ERMAP: variants seen among roughly 807,000 people sequenced by gnomAD.
ERMAP encodes erythroid membrane-associated protein.
ERMAP carries 34 observed loss-of-function variants against 49.5 expected under a neutral mutation model. The ratio of observed to expected loss-of-function variants is 0.69; its 90% CI spans 0.52 to 0.91. The LOEUF (loss-of-function observed/expected upper bound fraction) is 0.91, where lower values mean the gene tolerates loss of function less well. Among genes scored for constraint, ERMAP ranks in the 40% least tolerant of loss-of-function variants. The probability of loss-of-function intolerance (pLI) is 0.00; values close to 1 mark genes in which losing one functional copy is unlikely to be tolerated. For missense variants in ERMAP, 541 were observed against 582.6 expected, an observed-to-expected ratio of 0.93 and a Z score of 0.74; for synonymous variants, 214 against 232.2, an observed-to-expected ratio of 0.92 and a Z score of 0.71.
In ERMAP at chr1:42,839,395, T is replaced by C. The variant is rs1381247879; in HGVS notation, c.637+474T>C. The C allele has an allele frequency of 3.5e-5, 6 of 173,350 alleles. No homozygotes were observed. In the East Asian group the frequency reaches 9.0e-4, roughly 26 times the overall value. The allele number at this position is 173,350 out of a possible 1,614,324, so 10.7% of individuals were successfully genotyped here. On this transcript the variant is annotated intron_variant, in intron 8 of 11. Coordinates refer to ENST00000372517, the MANE Select transcript of ERMAP (RefSeq NM_001017922.2). ...GGGAGGCCAAGGCAGGTGGATCACT[T>C]GAGGACAGGAGTTTGTGACCAGCCT...
intron 2 of ERMAP, 125 bp downstream of exon 2, chr1:42,825,863 A>G: frequency 8.8e-7 from 1 of 1,133,690 alleles, no homozygotes; most frequent in Non-Finnish European, 1.1e-6. Context: ...GAAATGGGGC[A>G]GTTGTTAGCT....
In ERMAP at chr1:42,825,390, T is replaced by A. The variant is rs34102447; in HGVS notation, c.-121-233T>A. On this transcript the variant is annotated intron_variant, in intron 1 of 11. Transcript: ENST00000372517. ...CAGAGGGAATTACTATTGGCAGCAT[T>A]GGAGGAAAAGGGAGTGGAGGGGCAA... 627 of 796,008 alleles carry A rather than the reference T, an allele frequency of 7.9e-4. 3 individuals are homozygous for A. The African/African-American group carries it at 0.011, about 14-fold the overall frequency. The allele number at this position is 796,008 out of a possible 1,614,324, so 49.3% of individuals were successfully genotyped here. A position where few individuals can be genotyped will look rare whatever the true frequency, so the allele number is the denominator to read the frequency against.
chr1:42,828,821 T>G (rs1018203258), intron 2 of ERMAP, among the ~76,000 whole-genome samples: 2 of 152,090 alleles, frequency 1.3e-5, no homozygotes, highest in Non-Finnish European at 2.9e-5. Flanking sequence ...CTTAACCACT[T>G]CATAGATTGT....
At chr1:42,840,733 A>G (rs992375085) in intron 11 of ERMAP, among the ~76,000 whole-genome samples, 41 of 152,094 alleles carry the variant, frequency 2.7e-4, no homozygotes, top group African/African-American at 8.5e-4. Context: ...TTTCTGATGC[A>G]TAAGTGTTTT....
intron 7 of ERMAP, among the ~76,000 whole-genome samples, chr1:42,838,093 C>G (rs1236019254): frequency 6.6e-6 from 1 of 152,160 alleles, no homozygotes; most frequent in African/African-American, 2.4e-5. Context: ...GACCACCCCC[C>G]TATAAAATGG....
rs888295246 is a variant in ERMAP, at chr1:42,843,479, A to G, written c.*247A>G. ...GAAACCAAACAATCAGTTTAGGTGCAGGTGGAGATGTTGAATATGTGTTAC... is the reference window on the plus strand; with the variant it reads ...GAAACCAAACAATCAGTTTAGGTGCGGGTGGAGATGTTGAATATGTGTTAC... On this transcript the variant is annotated 3_prime_UTR_variant, in exon 12 of 12. Coordinates refer to ENST00000372517, the MANE Select transcript of ERMAP (RefSeq NM_001017922.2). The G allele has an allele frequency of 2.5e-6, 1 of 405,758 alleles. No individual in the cohort carries two copies. The highest frequency in any genetic ancestry group is 4.4e-6 in the Non-Finnish European group (1 of 229,624). The allele number at this position is 405,758 out of a possible 1,614,324, so 25.1% of individuals were successfully genotyped here. A position where few individuals can be genotyped will look rare whatever the true frequency, so the allele number is the denominator to read the frequency against.
intron 1 of ERMAP, among the ~76,000 whole-genome samples, chr1:42,823,714 T>C (rs909192565): frequency 6.6e-6 from 1 of 152,234 alleles, no homozygotes; most frequent in African/African-American, 2.4e-5. Flanking sequence ...TACTTTGATA[T>C]GCAGCGTAAC....
At chr1:42,842,185 A>G (rs1655075245) in intron 11 of ERMAP, among the ~76,000 whole-genome samples, 1 of 152,204 alleles carries the variant, frequency 6.6e-6, no homozygotes, top group South Asian at 2.1e-4. Flanking sequence ...ACCTCTGAAC[A>G]CTGCAGCAAT....
At chr1:42,818,501 G>T (rs979265610) in intron 1 of ERMAP, among the ~76,000 whole-genome samples, 6 of 152,080 alleles carry the variant, frequency 3.9e-5, no homozygotes, top group Non-Finnish European at 7.4e-5. Context: ...AAAATAGATG[G>T]GGTCTTGCTC....
At chr1:42,841,471 T>C (rs1274688068) in intron 11 of ERMAP, among the ~76,000 whole-genome samples, 1 of 152,220 alleles carries the variant, frequency 6.6e-6, no homozygotes, top group African/African-American at 2.4e-5. Flanking sequence ...TATGACTGCA[T>C]GCCCATGAAT....
intron 11 of ERMAP, 31 bp from the exon 12 acceptor site, chr1:42,842,486 C>T: frequency 6.3e-7 from 1 of 1,584,566 alleles, no homozygotes; most frequent in Non-Finnish European, 8.6e-7. Context: ...ACCTATACTT[C>T]CAAGCCTCAC....
chr1:42,833,532 G>C (rs1358057449), intron 4 of ERMAP, among the ~76,000 whole-genome samples: 2 of 152,162 alleles, frequency 1.3e-5, no homozygotes, highest in Non-Finnish European at 2.9e-5. Flanking sequence ...TGTGGCTATA[G>C]AATAATAAAA....
chr1:42,832,119 A>C (rs1374231748), intron 4 of ERMAP, among the ~76,000 whole-genome samples: 1 of 152,034 alleles, frequency 6.6e-6, no homozygotes, highest in Admixed American at 6.6e-5. Flanking sequence ...CAATTACTTT[A>C]AAACACTCAG....
In ERMAP at chr1:42,830,991, T is replaced by A. The variant is rs1654712523; in HGVS notation, c.309T>A (p.Asp103Glu). The A allele has an allele frequency of 6.2e-7, 1 of 1,614,216 alleles. No individual in the cohort carries two copies. The highest frequency in any genetic ancestry group is 1.3e-5 in the African/African-American group (1 of 75,060). The change falls in exon 4 of 12, where the codon GAT becomes GAA. Residue 103 changes from aspartate (D) to glutamate (E), a missense_variant. Asp to Glu is a conservative substitution (Grantham distance 45). Transcript: ENST00000372517. ...EYKGRTVLVR[D>E]AQEGSVTLQI... is the part of the protein sequence containing the mutation. ...AGGGGAGGACGGTGCTAGTGAGAGA[T>A]GCCCAAGAGGGAAGTGTCACTCTGC...
rs1654931694 is a variant in ERMAP, at chr1:42,837,303, G to C, written c.616+113G>C. 5 of 1,104,808 alleles carry C rather than the reference G, an allele frequency of 4.5e-6. No homozygotes were observed. In the Admixed American group the frequency reaches 9.9e-5, roughly 22 times the overall value. The allele number at this position is 1,104,808 out of a possible 1,614,324, so 68.4% of individuals were successfully genotyped here. A position where few individuals can be genotyped will look rare whatever the true frequency, so the allele number is the denominator to read the frequency against. ...TATTTTTATAATACTGTACACACAT[G>C]CACACATATATCCTCCATTGATATT... On this transcript the variant is annotated intron_variant, in intron 7 of 11. Transcript: ENST00000372517.
intron 2 of ERMAP, 67 bp from the exon 3 acceptor site, chr1:42,830,377 T>C: frequency 1.4e-6 from 2 of 1,441,808 alleles, no homozygotes; most frequent in Non-Finnish European, 2.0e-6. Flanking sequence ...CCTCGGCTCC[T>C]GGGTTATACC....
intron 2 of ERMAP, 56 bp from the exon 3 acceptor site, chr1:42,830,388 C>T (rs1187071307): frequency 3.3e-6 from 5 of 1,509,452 alleles, no homozygotes; most frequent in Non-Finnish European, 4.6e-6. Flanking sequence ...GGGTTATACC[C>T]TCTGTCACGC....
rs1228453089 is a variant in ERMAP at position 42,842,546 on chromosome 1, C to T, written c.742C>T (p.His248Tyr). ...VAVTLDPDTA[H>Y]PKLILSEDQR... is the part of the protein sequence containing the mutation. The stretch of plus-strand genomic sequence containing the variant: ...AGTGACCCTGGACCCAGACACAGCA[C>T]ATCCCAAACTCATCCTTTCTGAGGA... Residue 248 changes from histidine to tyrosine, a missense_variant, in exon 12 of 12, where the codon CAT becomes TAT. Coordinates refer to ENST00000372517, the MANE Select transcript of ERMAP (RefSeq NM_001017922.2). 3.1e-6 allele frequency: 5 copies of T among 1,614,052 alleles called. No individual in the cohort carries two copies. The highest frequency in any genetic ancestry group is 1.1e-5 in the South Asian group (1 of 91,058).
intron 7 of ERMAP, chr1:42,837,675 T>G (rs1474838943): frequency 6.6e-6 from 1 of 152,252 alleles, no homozygotes; most frequent in Non-Finnish European, 1.5e-5. Flanking sequence ...CTTACCTGAT[T>G]GTTTTCAGTG....
Sources: gnomAD v4.1 joint callset for allele counts (sites outside exome capture counted in the v4.1 genomes callset) on GRCh38, gnomAD v4.1.1 for gene constraint, MANE v1.5 for transcripts, NCBI Gene and HGNC (gene_info 2026-07-23, HGNC 2026-07-21) for gene names.